LSAMP: variants seen among roughly 807,000 people sequenced by gnomAD.
The protein encoded by LSAMP is limbic system associated membrane protein.
Under a neutral mutation model 38.6 loss-of-function variants are expected in LSAMP, and 7 were observed. The observed-to-expected ratio is 0.18, with a 90% CI of 0.10 to 0.34. The LOEUF (loss-of-function observed/expected upper bound fraction) is 0.34. Ranked by LOEUF, LSAMP falls within the 10% of genes least tolerant of loss-of-function variation. LSAMP has a pLI of 1.00. For missense variants in LSAMP, 313 were observed against 420.0 expected (o/e 0.75, Z 2.23); for synonymous variants, 154 against 166.8 (o/e 0.92, Z 0.59).
chr3:116,045,372 CT>C (rs1278869040), intron 2 of LSAMP, among the ~76,000 whole-genome samples: 1 of 151,864 alleles, frequency 6.6e-6, no homozygotes, highest in African/African-American at 2.4e-5. Flanking sequence ...CAATGAATGT[CT>C]TTGAAGGGAA....
intron 1 of LSAMP, among the ~76,000 whole-genome samples, chr3:116,139,457 T>A (rs2107513195): frequency 6.6e-6 from 1 of 152,108 alleles, no homozygotes; most frequent in South Asian, 2.1e-4. Flanking sequence ...CATAAATGAA[T>A]CTCACAGCAG....
intron 1 of LSAMP, among the ~76,000 whole-genome samples, chr3:116,363,711 G>A (rs10470394): frequency 1.4e-4 from 18 of 133,296 alleles, no homozygotes; most frequent in African/African-American, 2.0e-4. Flanking sequence ...TTCAATATAC[G>A]CAAATCAATA....
chr3:115,818,097 C>T (rs1282504148), intron 6 of LSAMP, among the ~76,000 whole-genome samples: 1 of 152,312 alleles, frequency 6.6e-6, no homozygotes, highest in East Asian at 1.9e-4. Context: ...TCCCACTTCT[C>T]TAGACAGAAC....
chr3:115,915,265 C>T (rs1175074599), intron 3 of LSAMP, among the ~76,000 whole-genome samples: 1 of 152,180 alleles, frequency 6.6e-6, no homozygotes, highest in Non-Finnish European at 1.5e-5. Context: ...ACTCAGCTCA[C>T]TTATATTGGG....
At chr3:116,415,047 A>G (rs2049030744) in intron 1 of LSAMP, among the ~76,000 whole-genome samples, 1 of 151,776 alleles carries the variant, frequency 6.6e-6, no homozygotes, top group South Asian at 2.1e-4. Context: ...TTTCTTCCAA[A>G]GATTTTGCTT....
At chr3:115,866,893 C>T (rs927777818) in intron 3 of LSAMP, among the ~76,000 whole-genome samples, 13 of 152,052 alleles carry the variant, frequency 8.5e-5, no homozygotes, top group African/African-American at 1.9e-4. Flanking sequence ...TATCAGCTAA[C>T]GTCTTAATTC....
intron 1 of LSAMP, among the ~76,000 whole-genome samples, chr3:116,249,467 C>T (rs1277403769): frequency 1.3e-5 from 2 of 151,786 alleles, no homozygotes; most frequent in Non-Finnish European, 2.9e-5. Flanking sequence ...CTCGCTACAA[C>T]CTCTGTCTCC....
intron 1 of LSAMP, among the ~76,000 whole-genome samples, chr3:116,382,576 C>A (rs1375931656): frequency 6.6e-6 from 1 of 151,814 alleles, no homozygotes; most frequent in Non-Finnish European, 1.5e-5. Context: ...ATGGGTGCAG[C>A]ACACCAACAT....
chr3:116,301,585 G>A (rs2047408731), intron 1 of LSAMP, among the ~76,000 whole-genome samples: 1 of 152,104 alleles, frequency 6.6e-6, no homozygotes. Flanking sequence ...CCTGAAGGGA[G>A]TAGGAGATAT....
At chr3:116,363,716 T>C (rs2048315990) in intron 1 of LSAMP, among the ~76,000 whole-genome samples, 1 of 136,792 alleles carries the variant, frequency 7.3e-6, no homozygotes, top group South Asian at 2.5e-4. Flanking sequence ...TATACGCAAA[T>C]CAATAAATGT....
chr3:116,160,773 T>C (rs1563933), intron 1 of LSAMP, among the ~76,000 whole-genome samples: 42,992 of 152,130 alleles, frequency 0.28, 6,213 homozygotes, highest in African/African-American at 0.33. Flanking sequence ...AGTCTGAAAC[T>C]TCATTGCACA....
At chr3:115,827,588 A>G (rs1235622838) in intron 6 of LSAMP, among the ~76,000 whole-genome samples, 1 of 152,122 alleles carries the variant, frequency 6.6e-6, no homozygotes, top group Non-Finnish European at 1.5e-5. Flanking sequence ...TGTGGGAAGC[A>G]TTTTCTTTTA....
chr3:115,854,437 T>C (rs1038174396), intron 3 of LSAMP, among the ~76,000 whole-genome samples: 2 of 151,298 alleles, frequency 1.3e-5, no homozygotes, highest in East Asian at 1.9e-4. Context: ...CGCCCGCCAC[T>C]GCGCCCGGCT....
intron 2 of LSAMP, among the ~76,000 whole-genome samples, chr3:116,057,967 A>ACACACACACACACAAC (rs1341257552): frequency 2.0e-5 from 3 of 147,542 alleles, no homozygotes; most frequent in Non-Finnish European, 4.5e-5. Context: ...CCACACACAC[A>ACACACACACACACAAC]CACACACACA....
At chr3:116,282,754 C>T (rs1018907252) in intron 1 of LSAMP, among the ~76,000 whole-genome samples, 2 of 147,154 alleles carry the variant, frequency 1.4e-5, no homozygotes, top group Non-Finnish European at 2.9e-5. Flanking sequence ...CCCAGTGATA[C>T]TCCCCCCACC....
At chr3:115,914,211 G>T (rs186051983) in intron 3 of LSAMP, among the ~76,000 whole-genome samples, 3 of 152,276 alleles carry the variant, frequency 2.0e-5, no homozygotes, top group Admixed American at 6.5e-5. Flanking sequence ...TGTTGACTTT[G>T]CTCTGCCACC....
chr3:115,843,873 A>C (rs1935075779), intron 4 of LSAMP, among the ~76,000 whole-genome samples: 1 of 152,180 alleles, frequency 6.6e-6, no homozygotes, highest in Non-Finnish European at 1.5e-5. Context: ...TTGAATAAAC[A>C]CTTGTATGTA....
intron 5 of LSAMP, 60 bp from the exon 6 acceptor site, chr3:115,842,053 T>G: frequency 1.3e-6 from 2 of 1,527,334 alleles, no homozygotes; most frequent in Non-Finnish European, 1.8e-6. Flanking sequence ...AGCTTAGGAA[T>G]TCTTTCCCCA....
intron 1 of LSAMP, among the ~76,000 whole-genome samples, chr3:116,140,757 T>C (rs1025744289): frequency 6.6e-6 from 1 of 151,958 alleles, no homozygotes; most frequent in Non-Finnish European, 1.5e-5. Context: ...CAAGGGTGCA[T>C]ATTAACTGAT....
Sources: gnomAD v4.1 joint callset for allele counts (sites outside exome capture counted in the v4.1 genomes callset) on GRCh38, gnomAD v4.1.1 for gene constraint, MANE v1.5 for transcripts, NCBI Gene and HGNC (gene_info 2026-07-23, HGNC 2026-07-21) for gene names.